Variants in LRRC4C observed in about 807,000 individuals in gnomAD.
LRRC4C encodes leucine rich repeat containing 4C.
A neutral mutation model predicts 33.6 loss-of-function variants in LRRC4C; 5 were observed. The ratio of observed to expected loss-of-function variants is 0.15; its 90% CI spans 0.08 to 0.31. LRRC4C has a LOEUF of 0.31. Ranked by LOEUF, LRRC4C falls within the 10% of genes least tolerant of loss-of-function variation. The pLI, the probability that LRRC4C is intolerant of heterozygous loss-of-function variation, is 1.00. For synonymous variants in LRRC4C, 329 were observed against 302.0 expected, an observed-to-expected ratio of 1.09 and a Z score of -0.93; for missense variants, 560 against 796.7, an observed-to-expected ratio of 0.70 and a Z score of 3.58.
intron 1 of LRRC4C, among the ~76,000 whole-genome samples, chr11:41,085,688 C>T (rs999423549): frequency 2.6e-5 from 4 of 151,948 alleles, no homozygotes; most frequent in Admixed American, 6.6e-5. Flanking sequence ...TCTAAGAAAG[C>T]AAGAATCATA....
chr11:40,596,502 T>G (rs952881), intron 3 of LRRC4C, among the ~76,000 whole-genome samples: 22,815 of 151,962 alleles, frequency 0.15, 1,828 homozygotes, highest in Middle Eastern at 0.21. Context: ...CAATAAATTA[T>G]TGTTAACCGT....
chr11:40,661,223 C>A (rs1352168090), intron 2 of LRRC4C, among the ~76,000 whole-genome samples: 2 of 152,128 alleles, frequency 1.3e-5, no homozygotes, highest in African/African-American at 4.8e-5. Context: ...ATCCTGCTTT[C>A]TTTTCACTCT....
chr11:41,392,228 G>A (rs1953625829), intron 1 of LRRC4C, among the ~76,000 whole-genome samples: 1 of 151,838 alleles, frequency 6.6e-6, no homozygotes, highest in Admixed American at 6.6e-5. Context: ...AGCTACTGAA[G>A]TCTCTTTCCC....
intron 1 of LRRC4C, among the ~76,000 whole-genome samples, chr11:41,263,809 TA>T (rs1222342446): frequency 6.6e-6 from 1 of 151,880 alleles, no homozygotes; most frequent in East Asian, 1.9e-4. Flanking sequence ...ATTCAATGCA[TA>T]AAAAAACAAG....
At chr11:40,867,082 T>C (rs1299346491) in intron 2 of LRRC4C, among the ~76,000 whole-genome samples, 1 of 152,208 alleles carries the variant, frequency 6.6e-6, no homozygotes, top group Non-Finnish European at 1.5e-5. Context: ...CATTCTATCC[T>C]TTTCCTTTCA....
intron 1 of LRRC4C, among the ~76,000 whole-genome samples, chr11:41,134,145 T>G (rs1486016558): frequency 1.3e-5 from 2 of 152,152 alleles, no homozygotes; most frequent in African/African-American, 4.8e-5. Flanking sequence ...TCACCCAGAC[T>G]GAAGGCTGTG....
At chr11:40,277,945 C>CA (rs1005388351) in intron 4 of LRRC4C, among the ~76,000 whole-genome samples, 9 of 152,150 alleles carry the variant, frequency 5.9e-5, no homozygotes, top group African/African-American at 2.2e-4. Flanking sequence ...AACTGGTACT[C>CA]AAAAAAGTGG....
chr11:40,546,361 T>C (rs1486587642), intron 3 of LRRC4C, among the ~76,000 whole-genome samples: 1 of 152,002 alleles, frequency 6.6e-6, no homozygotes, highest in African/African-American at 2.4e-5. Context: ...GTACTTTATA[T>C]TTTTACCACC....
intron 1 of LRRC4C, among the ~76,000 whole-genome samples, chr11:41,183,294 C>T (rs747042656): frequency 7.2e-5 from 11 of 152,164 alleles, no homozygotes; most frequent in Non-Finnish European, 1.3e-4. Context: ...AAAGTCTCAT[C>T]CAAGACAAGG....
At chr11:41,099,116 C>T (rs1322871656) in intron 1 of LRRC4C, among the ~76,000 whole-genome samples, 1 of 151,726 alleles carries the variant, frequency 6.6e-6, no homozygotes, top group Non-Finnish European at 1.5e-5. Context: ...ACATGTATAC[C>T]CTCCCAAGAC....
chr11:41,228,789 T>G (rs1406028798), intron 1 of LRRC4C, among the ~76,000 whole-genome samples: 1 of 152,180 alleles, frequency 6.6e-6, no homozygotes, highest in African/African-American at 2.4e-5. Flanking sequence ...CTGGTTAATT[T>G]AATCAGATCT....
chr11:41,087,773 T>C (rs79061499), intron 1 of LRRC4C, among the ~76,000 whole-genome samples: 1 of 152,158 alleles, frequency 6.6e-6, no homozygotes, highest in African/African-American at 2.4e-5. Context: ...AGTTTCTTCA[T>C]CTGCAAAACA....
chr11:40,865,490 G>T (rs987380874), intron 2 of LRRC4C, among the ~76,000 whole-genome samples: 5 of 143,240 alleles, frequency 3.5e-5, no homozygotes, highest in African/African-American at 1.3e-4. Flanking sequence ...TCATTAGTCA[G>T]ATTTAGCCAT....
intron 2 of LRRC4C, among the ~76,000 whole-genome samples, chr11:40,829,541 C>T (rs1952316011): frequency 6.6e-6 from 1 of 151,970 alleles, no homozygotes; most frequent in South Asian, 2.1e-4. Context: ...TGATATTTAA[C>T]TCCAAGTATT....
At chr11:41,356,149 C>G (rs1055157635) in intron 1 of LRRC4C, among the ~76,000 whole-genome samples, 2 of 152,132 alleles carry the variant, frequency 1.3e-5, no homozygotes, top group Non-Finnish European at 1.5e-5. Flanking sequence ...TTTCAGTTAG[C>G]TATTGCATAC....
intron 1 of LRRC4C, among the ~76,000 whole-genome samples, chr11:41,037,396 G>A (rs1043848926): frequency 1.3e-5 from 2 of 151,848 alleles, no homozygotes; most frequent in African/African-American, 2.4e-5. Context: ...CTAGAGTGCA[G>A]TGGCATATCC....
chr11:40,770,747 C>T (rs892615026), intron 2 of LRRC4C, among the ~76,000 whole-genome samples: 2 of 152,186 alleles, frequency 1.3e-5, no homozygotes, highest in Non-Finnish European at 2.9e-5. Context: ...AAAGGGGCTA[C>T]AGGCCCCATG....
intron 2 of LRRC4C, among the ~76,000 whole-genome samples, chr11:40,915,902 T>TG (rs1956936625): frequency 6.6e-6 from 1 of 151,984 alleles, no homozygotes; most frequent in African/African-American, 2.4e-5. Flanking sequence ...GAACAGACAC[T>TG]TCTCAAAAGA....
chr11:40,434,333 T>C (rs886449658), intron 3 of LRRC4C, among the ~76,000 whole-genome samples: 4 of 152,212 alleles, frequency 2.6e-5, no homozygotes, highest in African/African-American at 4.8e-5. Flanking sequence ...CCCTAGAGCT[T>C]TCACAGGGTG....
Sources: gnomAD v4.1 joint callset for allele counts (sites outside exome capture counted in the v4.1 genomes callset) on GRCh38, gnomAD v4.1.1 for gene constraint, MANE v1.5 for transcripts, NCBI Gene and HGNC (gene_info 2026-07-23, HGNC 2026-07-21) for gene names.